The following RANBP17 variants were observed in gnomAD, a reference collection of about 807,000 sequenced individuals.
The protein encoded by RANBP17 is ran-binding protein 17.
RANBP17 carries 158 observed loss-of-function variants against 141.2 expected under a neutral mutation model. That is an observed-to-expected ratio of 1.12 (90% CI 0.98 to 1.28). RANBP17 has a LOEUF of 1.28. RANBP17 is among the 50% of genes most tolerant of loss of function. The pLI is 0.00. For synonymous variants in RANBP17, 430 were observed against 450.0 expected (o/e 0.96, Z 0.56); for missense variants, 1,438 against 1,290.7 (o/e 1.11, Z -1.75).
At position 170,892,402 on chromosome 5, in the gene RANBP17, A is replaced by G. The variant is rs141535602; in HGVS notation, c.272A>G (p.Asn91Ser). 1.3e-4 allele frequency: 207 copies of G among 1,609,896 alleles called. No individual in the cohort carries two copies. In the African/African-American group the frequency reaches 2.6e-3, roughly 20 times the overall value. The change falls in exon 4 of 28, where the codon AAT becomes AGT. Residue 91 changes from asparagine (N) to serine (S), a missense_variant. Transcript: ENST00000523189. Reference sequence around the variant, plus strand: ...TTCTTTGTAGGAAACTACATTCTGAATTACGTGGCATCACAGCCCAAGCTG... The same window carrying G: ...TTCTTTGTAGGAAACTACATTCTGAGTTACGTGGCATCACAGCCCAAGCTG... ...QRMDIRNYILNYVASQPKLAP... is the reference protein window; with the variant it reads ...QRMDIRNYILSYVASQPKLAP...
At chr5:171,162,582 C>G (rs2127859987) in intron 14 of RANBP17, among the ~76,000 whole-genome samples, 1 of 152,210 alleles carries the variant, frequency 6.6e-6, no homozygotes, top group Admixed American at 6.5e-5. Context: ...CACATTATAC[C>G]TGTACTCTTT....
In RANBP17 at chr5:171,226,659, C is replaced by A. The variant is rs369643477; in HGVS notation, c.2422+4819C>A. 1.3e-3 allele frequency among the ~76,000 whole-genome samples: 193 copies of A among 152,164 alleles called. 9 individuals are homozygous for A. In the South Asian group the frequency reaches 0.039, roughly 30 times the overall value. On this transcript the variant is annotated intron_variant, in intron 22 of 27. Transcript: ENST00000523189. ...GAGGCCTGTGAAAGTGCCACAGCAGCCCTCCAGAAAAAGGGGGAAAGAGGA... is the reference window on the plus strand; with the variant it reads ...GAGGCCTGTGAAAGTGCCACAGCAGACCTCCAGAAAAAGGGGGAAAGAGGA...
chr5:170,892,457 A>C lies in RANBP17; in HGVS notation c.327A>C (p.Gln109His). 1.2e-6 allele frequency: 2 copies of C among 1,614,064 alleles called. No homozygotes were observed. Among genetic ancestry groups the C allele is most frequent in the Non-Finnish European group, 1.7e-6 (2 of 1,179,964 alleles). ...LAPFVIQALI[Q>H]VIAKITKLGW... ...CCTTTGTCATCCAAGCTCTTATTCA[A>C]GTCATTGCTAAAATCACTAAGTTGG... The change falls in exon 4 of 28, where the codon CAA becomes CAC. Residue 109 changes from glutamine (Q) to histidine (H), a missense_variant. By Grantham distance (24) the Gln-to-His change is conservative. Coordinates refer to ENST00000523189, the MANE Select transcript of RANBP17 (RefSeq NM_022897.5).
chr5:171,114,949 A>G (rs909787541), intron 14 of RANBP17, among the ~76,000 whole-genome samples: 10 of 151,940 alleles, frequency 6.6e-5, no homozygotes. Flanking sequence ...CCCTGTCTCT[A>G]CAAAAAATTT....
At chr5:171,105,651 G>C (rs1754773144) in intron 14 of RANBP17, among the ~76,000 whole-genome samples, 1 of 151,946 alleles carries the variant, frequency 6.6e-6, no homozygotes, top group Non-Finnish European at 1.5e-5. Flanking sequence ...CCAGGAGTTT[G>C]AAGTTCCAGT....
intron 14 of RANBP17, among the ~76,000 whole-genome samples, chr5:171,128,829 CA>C (rs70982323): frequency 6.6e-6 from 1 of 151,324 alleles, no homozygotes; most frequent in Non-Finnish European, 1.5e-5. Context: ...AGACCCCCCC[CA>C]AAAAAAATTT....
intron 14 of RANBP17, among the ~76,000 whole-genome samples, chr5:171,078,670 C>T (rs2127704997): frequency 6.6e-6 from 1 of 152,308 alleles, no homozygotes; most frequent in Non-Finnish European, 1.5e-5. Context: ...AAGAATTATG[C>T]TAAATCTATC....
At chr5:170,871,683 G>T (rs1251480956) in intron 1 of RANBP17, among the ~76,000 whole-genome samples, 2 of 152,124 alleles carry the variant, frequency 1.3e-5, no homozygotes, top group Non-Finnish European at 2.9e-5. Flanking sequence ...TCCATCTTGA[G>T]TTAATTTTTG....
chr5:170,866,165 T>A (rs1261789614), intron 1 of RANBP17, among the ~76,000 whole-genome samples: 1 of 152,124 alleles, frequency 6.6e-6, no homozygotes, highest in Non-Finnish European at 1.5e-5. Flanking sequence ...AGCCTACCAC[T>A]ATTGGGTATG....
At chr5:171,065,591 G>GC (rs1212867023) in intron 14 of RANBP17, among the ~76,000 whole-genome samples, 1 of 151,732 alleles carries the variant, frequency 6.6e-6, no homozygotes, top group Non-Finnish European at 1.5e-5. Flanking sequence ...ATCCCTCCCC[G>GC]CCCTACACTG....
rs1162768062 is a variant in RANBP17, at chr5:171,255,488, G to A, written c.2777-10193G>A. Among the ~76,000 whole-genome samples the A allele has an allele frequency of 2.6e-5, 4 of 152,100 alleles. No individual in the cohort carries two copies. In the East Asian group the frequency reaches 5.8e-4, roughly 22 times the overall value. ...AAATTTCATATTAAAGCAAGTTCTAGTATATGTATTGAGTTCCTGGTAGTC... is the reference window on the plus strand; with the variant it reads ...AAATTTCATATTAAAGCAAGTTCTAATATATGTATTGAGTTCCTGGTAGTC... On this transcript the variant is annotated intron_variant, in intron 24 of 27. Transcript: ENST00000523189.
In RANBP17 at chr5:171,164,170, A is replaced by T. The variant is rs536446882; in HGVS notation, c.1711-5960A>T. ...ATTGAATTTCTGTGACTGTCATTATATATCCATACAATCTTTAGGAACTAA... is the reference window on the plus strand; with the variant it reads ...ATTGAATTTCTGTGACTGTCATTATTTATCCATACAATCTTTAGGAACTAA... On this transcript the variant is annotated intron_variant, in intron 14 of 27. Transcript: ENST00000523189. Among the ~76,000 whole-genome samples, 21 of 152,296 alleles carry T rather than the reference A, an allele frequency of 1.4e-4. No individual in the cohort carries two copies. In the South Asian group the frequency reaches 3.7e-3, roughly 27 times the overall value.
Position 170,889,486 on chromosome 5 carries a change from A to G in RANBP17, c.257-2901A>G, listed in dbSNP as rs183749978. ...AAACAAAAAATCGGAATGAACCACAATAACCTGATTCAGAGTCCCAGTCAT... is the reference window on the plus strand; with the variant it reads ...AAACAAAAAATCGGAATGAACCACAGTAACCTGATTCAGAGTCCCAGTCAT... On this transcript the variant is annotated intron_variant, in intron 3 of 27. Coordinates refer to ENST00000523189, the MANE Select transcript of RANBP17 (RefSeq NM_022897.5). Among the ~76,000 whole-genome samples, 10 of 152,280 alleles carry G rather than the reference A, an allele frequency of 6.6e-5. No individual in the cohort carries two copies. In the East Asian group the frequency reaches 1.5e-3, roughly 24 times the overall value.
intron 14 of RANBP17, among the ~76,000 whole-genome samples, chr5:170,978,844 T>C (rs1777568635): frequency 1.3e-5 from 2 of 152,198 alleles, no homozygotes; most frequent in Admixed American, 1.3e-4. Flanking sequence ...CTTCATATTT[T>C]GCCTCAATTA....
intron 18 of RANBP17, among the ~76,000 whole-genome samples, chr5:171,193,913 GA>G (rs1247165422): frequency 6.6e-6 from 1 of 152,122 alleles, no homozygotes; most frequent in Non-Finnish European, 1.5e-5. Flanking sequence ...AATTAGAACG[GA>G]TATCTTTGAG....
At chr5:171,247,744 G>T (rs941654222) in intron 24 of RANBP17, among the ~76,000 whole-genome samples, 3 of 152,104 alleles carry the variant, frequency 2.0e-5, no homozygotes, top group African/African-American at 7.2e-5. Flanking sequence ...ATTATCAGTT[G>T]TGCATATACT....
chr5:171,100,280 T>C (rs1263229540), intron 14 of RANBP17, among the ~76,000 whole-genome samples: 3 of 152,148 alleles, frequency 2.0e-5, no homozygotes, highest in Non-Finnish European at 4.4e-5. Context: ...ATTTCAGAAC[T>C]TGTTACTGGT....
chr5:171,192,803 G>A (rs1160401456), intron 18 of RANBP17, among the ~76,000 whole-genome samples: 1 of 152,148 alleles, frequency 6.6e-6, no homozygotes, highest in East Asian at 1.9e-4. Context: ...TCCTGTGGAA[G>A]TAAGATCTGA....
intron 14 of RANBP17, among the ~76,000 whole-genome samples, chr5:171,060,378 G>A (rs1783729227): frequency 6.6e-6 from 1 of 151,874 alleles, no homozygotes; most frequent in Non-Finnish European, 1.5e-5. Context: ...GCATGAAGGT[G>A]TTGAATTTTG....
Sources: gnomAD v4.1 joint callset for allele counts (sites outside exome capture counted in the v4.1 genomes callset) on GRCh38, gnomAD v4.1.1 for gene constraint, MANE v1.5 for transcripts, NCBI Gene and HGNC (gene_info 2026-07-23, HGNC 2026-07-21) for gene names.